The following USP53 variants were observed in gnomAD, a reference collection of about 807,000 sequenced individuals.
USP53 encodes the protein ubiquitin specific peptidase 53, also known as ubiquitin carboxyl-terminal hydrolase 53.
Under a neutral mutation model 94.9 loss-of-function variants are expected in USP53, and 71 were observed. The observed-to-expected ratio is 0.75, with a 90% CI of 0.62 to 0.91. USP53 has a LOEUF of 0.91. USP53 is among the 40% of genes least tolerant of loss of function. The pLI, the probability that USP53 is intolerant of heterozygous loss-of-function variation, is 0.00. For synonymous variants in USP53, 375 were observed against 422.7 expected, an observed-to-expected ratio of 0.89 and a Z score of 1.39; for missense variants, 1,173 against 1,281.0, an observed-to-expected ratio of 0.92 and a Z score of 1.29.
rs1401027586 is a variant in USP53, at chr4:119,294,923, ATAATG to A, written c.*1716_*1720del. ...ATTTTTTAGTGTGGAGGGTTTGTAA[ATAATG>A]TAAAGTTTGTAAACCTGTATTTAAA... is the stretch of plus-strand genomic sequence containing the variant. On this transcript the variant is annotated 3_prime_UTR_variant, in exon 19 of 19. Transcript: ENST00000692078. The A allele has an allele frequency of 6.6e-6, 1 of 152,134 alleles. No individual in the cohort carries two copies. The highest frequency in any genetic ancestry group is 1.9e-4 in the East Asian group (1 of 5,202). 9.4% of individuals were successfully genotyped at this position (152,134 alleles called of 1,614,324 possible). A position where few individuals can be genotyped will look rare whatever the true frequency, so the allele number is the denominator to read the frequency against.
intron 17 of USP53, among the ~76,000 whole-genome samples, chr4:119,280,636 A>C (rs1470251447): frequency 6.6e-6 from 1 of 152,210 alleles, no homozygotes; most frequent in Non-Finnish European, 1.5e-5. Flanking sequence ...AAAGATGGGA[A>C]AGCTATGAGA....
chr4:119,225,307 T>A (rs1009892201), intron 3 of USP53, among the ~76,000 whole-genome samples: 5 of 152,212 alleles, frequency 3.3e-5, no homozygotes, highest in African/African-American at 1.2e-4. Flanking sequence ...TTTAAAATAT[T>A]CCCATAAAGA....
At chr4:119,231,821 A>C (rs1746119633) in intron 3 of USP53, among the ~76,000 whole-genome samples, 2 of 152,132 alleles carry the variant, frequency 1.3e-5, no homozygotes, top group Non-Finnish European at 2.9e-5. Flanking sequence ...TGACGTGTAA[A>C]ATGTTGTGTA....
chr4:119,212,852 C>T lies in USP53; in HGVS notation c.-963C>T, dbSNP rs933633512. On this transcript the variant is annotated 5_prime_UTR_variant, in exon 1 of 19. Coordinates refer to ENST00000692078, the MANE Select transcript of USP53 (RefSeq NM_001371395.1). ...CTCTACCTGGACCGCACGCTCCTCG[C>T]GCAAGGAGGGTAGAGCTCAAGGTAA... The T allele has an allele frequency of 1.8e-5, 4 of 218,466 alleles. No individual in the cohort carries two copies. Among genetic ancestry groups the T allele is most frequent in the Admixed American group, 5.1e-5 (1 of 19,778 alleles). 13.5% of individuals were successfully genotyped at this position (218,466 alleles called of 1,614,324 possible).
chr4:119,272,105 G>T, intron 16 of USP53, 71 bp downstream of exon 16: 1 of 1,482,444 alleles, frequency 6.7e-7, no homozygotes, highest in East Asian at 2.3e-5. Flanking sequence ...AGTAATTTTT[G>T]AAGTTTGGGG....
rs532805626 is a variant in USP53 at position 119,291,038 on chromosome 4, T to G, written c.2252-127T>G. ...TCTTAAAGAATTCATTTTTTTAAAT[T>G]GGAAGAGATTACCTTTTATAGAAAG... On this transcript the variant is annotated intron_variant, in intron 17 of 18. Coordinates refer to ENST00000692078, the MANE Select transcript of USP53 (RefSeq NM_001371395.1). 2.8e-3 allele frequency: 1,417 copies of G among 505,694 alleles called. 3 individuals carry two copies. The highest frequency in any genetic ancestry group is 5.2e-3 in the Middle Eastern group (10 of 1,920). The allele number at this position is 505,694 out of a possible 1,614,324, so 31.3% of individuals were successfully genotyped here.
At position 119,268,330 on chromosome 4, in the gene USP53, G is replaced by T. The variant is rs754051343; in HGVS notation, c.1198G>T (p.Ala400Ser). The change falls in exon 14 of 19, where the codon GCA becomes TCA. Residue 400 changes from alanine (A) to serine (S), a missense_variant. Transcript: ENST00000692078. ...NLKENGFGDQAKQRENQKFPT... is the reference protein window; with the variant it reads ...NLKENGFGDQSKQRENQKFPT... ...AAAAGAAAATGGATTTGGTGATCAG[G>T]CAAAGCAGAGAGAAAATCAGAAATT... The T allele has an allele frequency of 1.1e-5, 18 of 1,613,728 alleles. No homozygotes were observed. In the African/African-American group the frequency reaches 2.3e-4, roughly 20 times the overall value.
chr4:119,259,738 T>C (rs1750254148), intron 9 of USP53, 82 bp from the exon 10 acceptor site: 1 of 1,059,856 alleles, frequency 9.4e-7, no homozygotes, highest in Admixed American at 2.2e-5. Context: ...GATGCACATC[T>C]AAACTGACAA....
intron 17 of USP53, among the ~76,000 whole-genome samples, chr4:119,275,419 G>A (rs1400044621): frequency 7.5e-5 from 10 of 133,780 alleles, no homozygotes; most frequent in East Asian, 4.4e-4. Flanking sequence ...GATATGTGGC[G>A]TTATTTCTGA....
chr4:119,245,464 A>G (rs369967599), intron 6 of USP53, 35 bp downstream of exon 6: 9 of 1,587,356 alleles, frequency 5.7e-6, no homozygotes, highest in Non-Finnish European at 6.9e-6. Context: ...ACTACTATCA[A>G]TTGTTCCTTC....
chr4:119,292,062 G>C (rs1339195328), intron 18 of USP53, among the ~76,000 whole-genome samples: 1 of 152,054 alleles, frequency 6.6e-6, no homozygotes, highest in Non-Finnish European at 1.5e-5. Context: ...GTTGAAGTGA[G>C]TTTTTAAAAT....
chr4:119,248,678 GT>G (rs1748566826), intron 6 of USP53, 69 bp from the exon 7 acceptor site: 1 of 1,552,654 alleles, frequency 6.4e-7, no homozygotes, highest in African/African-American at 1.4e-5. Context: ...GTTTCTCTGT[GT>G]TGTAATGAAA....
Position 119,256,234 on chromosome 4 carries a change from TTTTTAAATTAGGA to T in USP53, c.373-11_374del. ...ATCAACAACTCATTTATCTATTTTA[TTTTTAAATTAGGA>T]AAATATGTTGGAGAGGATTCATTTT... is the stretch of plus-strand genomic sequence containing the variant. On this transcript the variant is annotated splice_acceptor_variant and splice_polypyrimidine_tract_variant and coding_sequence_variant and intron_variant, in exon 8 of 19. Coordinates refer to ENST00000692078, the MANE Select transcript of USP53 (RefSeq NM_001371395.1). LOFTEE classifies it high-confidence loss of function. 1 of 1,597,706 alleles carries T rather than the reference TTTTTAAATTAGGA, an allele frequency of 6.3e-7. No individual in the cohort carries two copies. The highest frequency in any genetic ancestry group is 8.5e-7 in the Non-Finnish European group (1 of 1,170,918).
chr4:119,266,425 T>A lies in USP53; in HGVS notation c.973-895T>A, dbSNP rs186510127. ...ATTTTATGAGAGCAATGTATGAGAG[T>A]TCCTGTTGTTCCACATTCTCAGCAG... is the stretch of plus-strand genomic sequence containing the variant. On this transcript the variant is annotated intron_variant, in intron 12 of 18. Coordinates refer to ENST00000692078, the MANE Select transcript of USP53 (RefSeq NM_001371395.1). 3 of 441,554 alleles carry A rather than the reference T, an allele frequency of 6.8e-6. No individual in the cohort carries two copies. The East Asian group carries it at 2.1e-4, about 31-fold the overall frequency. The allele number at this position is 441,554 out of a possible 1,614,324, so 27.4% of individuals were successfully genotyped here.
intron 7 of USP53, among the ~76,000 whole-genome samples, chr4:119,249,403 C>T (rs1337618602): frequency 1.3e-5 from 2 of 152,108 alleles, no homozygotes; most frequent in African/African-American, 4.8e-5. Context: ...TTCCTTTGAT[C>T]AGGTACATAC....
At chr4:119,242,135 T>G (rs570062786) in intron 5 of USP53, among the ~76,000 whole-genome samples, 1 of 152,348 alleles carries the variant, frequency 6.6e-6, no homozygotes, top group South Asian at 2.1e-4. Context: ...ATAGTTGTAA[T>G]AATTGTTTTT....
intron 7 of USP53, among the ~76,000 whole-genome samples, chr4:119,254,181 T>C (rs1325451899): frequency 6.6e-6 from 1 of 152,212 alleles, no homozygotes; most frequent in Non-Finnish European, 1.5e-5. Flanking sequence ...TTGGTGAATC[T>C]GACAATTATG....
At position 119,292,853 on chromosome 4, in the gene USP53, C is replaced by A; in HGVS notation, c.2864C>A (p.Thr955Asn). The A allele has an allele frequency of 6.2e-7, 1 of 1,614,066 alleles. No individual in the cohort carries two copies. Among genetic ancestry groups the A allele is most frequent in the Non-Finnish European group, 8.5e-7 (1 of 1,179,970 alleles). Residue 955 changes from threonine to asparagine, a missense_variant, in exon 19 of 19, where the codon ACC (threonine) becomes AAC (asparagine). By Grantham distance (65) the Thr-to-Asn change is moderately conservative. Coordinates refer to ENST00000692078, the MANE Select transcript of USP53 (RefSeq NM_001371395.1). The part of the protein sequence containing the change: ...DVKLTEVFKA[T>N]SHLPKHSLST... ...AAACTTACAGAGGTGTTTAAAGCTA[C>A]CTCTCATCTTCCGAAGCACAGTTTA...
intron 12 of USP53, chr4:119,266,483 C>G (rs1751142067): frequency 2.7e-6 from 1 of 377,068 alleles, no homozygotes; most frequent in East Asian, 7.3e-5. Context: ...TAATGTTAGC[C>G]CTTCTCGTGT....
Sources: gnomAD v4.1 joint callset for allele counts (sites outside exome capture counted in the v4.1 genomes callset) on GRCh38, gnomAD v4.1.1 for gene constraint, MANE v1.5 for transcripts, NCBI Gene and HGNC (gene_info 2026-07-23, HGNC 2026-07-21) for gene names.